Variants in RPGRIP1 observed in about 807,000 individuals in gnomAD.
RPGRIP1 encodes the protein X-linked retinitis pigmentosa GTPase regulator-interacting protein 1.
In RPGRIP1, 128 loss-of-function variants were observed where a neutral mutation model predicts 157.9. The ratio of observed to expected loss-of-function variants is 0.81; its 90% CI spans 0.70 to 0.94. The LOEUF is 0.94. Ranked by LOEUF, RPGRIP1 falls within the 40% of genes least tolerant of loss-of-function variation. The pLI is 0.00. For missense variants in RPGRIP1, 1,486 were observed against 1,545.8 expected (o/e 0.96, Z 0.65); for synonymous variants, 554 against 571.6 (o/e 0.97, Z 0.44).
chr14:21,300,769 G>C (rs1594172859), intron 3 of RPGRIP1, among the ~76,000 whole-genome samples, 197 bp from the exon 4 acceptor site: 1 of 112,678 alleles, frequency 8.9e-6, no homozygotes, highest in African/African-American at 3.4e-5. Flanking sequence ...ATAAAATAAA[G>C]ACAGGTATCA....
intron 10 of RPGRIP1, among the ~76,000 whole-genome samples, chr14:21,314,942 T>G (rs1022203546): frequency 6.7e-6 from 1 of 149,654 alleles, no homozygotes; most frequent in Non-Finnish European, 1.5e-5. Context: ...GCGAATTGCT[T>G]GGACCCGGGA....
intron 2 of RPGRIP1, among the ~76,000 whole-genome samples, chr14:21,290,783 C>T (rs1308646923): frequency 2.7e-5 from 4 of 149,162 alleles, no homozygotes; most frequent in East Asian, 3.9e-4. Flanking sequence ...CGCGCCACTG[C>T]ACTCAAGCCT....
chr14:21,342,106 C>T (rs551123029), intron 21 of RPGRIP1, among the ~76,000 whole-genome samples: 2 of 151,678 alleles, frequency 1.3e-5, no homozygotes, highest in African/African-American at 4.8e-5. Flanking sequence ...CTGGTGGCCT[C>T]CTCAGTGGCA....
At chr14:21,338,704 A>G (rs1884663658) in intron 21 of RPGRIP1, among the ~76,000 whole-genome samples, 1 of 152,250 alleles carries the variant, frequency 6.6e-6, no homozygotes. Context: ...CCAACCTAAT[A>G]TGAATGAATA....
intron 6 of RPGRIP1, 26 bp from the exon 7 acceptor site, chr14:21,307,705 G>T: frequency 7.1e-7 from 1 of 1,398,838 alleles, no homozygotes; most frequent in South Asian, 1.2e-5. Flanking sequence ...TGTTCAGACA[G>T]AATAATTTAG....
chr14:21,320,745 G>A (rs10142110), intron 12 of RPGRIP1, among the ~76,000 whole-genome samples: 3,952 of 151,666 alleles, frequency 0.026, 170 homozygotes, highest in African/African-American at 0.091. Flanking sequence ...GATTACAGGT[G>A]CTTGCCACCA....
At position 21,307,763 on chromosome 14, in the gene RPGRIP1, G is replaced by A. The variant is rs766267049; in HGVS notation, c.833G>A (p.Arg278Gln). 3.2e-6 allele frequency: 5 copies of A among 1,567,424 alleles called. No individual in the cohort carries two copies. The highest frequency in any genetic ancestry group is 4.3e-6 in the Non-Finnish European group (5 of 1,155,564). The change falls in exon 7 of 25, where the codon CGA becomes CAA. Residue 278 changes from arginine (R) to glutamine (Q), a missense_variant. Transcript: ENST00000400017. ...ATTAAAGAGAAGGTAGAGCTGATTCGACTTAAGAAGCTCTTACATGAAAGA... is the reference window on the plus strand; with the variant it reads ...ATTAAAGAGAAGGTAGAGCTGATTCAACTTAAGAAGCTCTTACATGAAAGA... ...ASIKEKVELI[R>Q]LKKLLHERNA...
chr14:21,321,220 T>C, intron 12 of RPGRIP1, 39 bp from the exon 13 acceptor site: 1 of 1,583,160 alleles, frequency 6.3e-7, no homozygotes, highest in Admixed American at 1.9e-5. Flanking sequence ...TTACCTGTCA[T>C]ATTTATACTC....
In RPGRIP1 at chr14:21,310,626, GTC is replaced by G. The variant is rs746182338; in HGVS notation, c.930+23_930+24del. On this transcript the variant is annotated intron_variant, in intron 8 of 24. Transcript: ENST00000400017. ...CCAGAAGGTACTTAATGAGAATTGA[GTC>G]TCTGTTTCTTAGTAACCAGAATAAT... 2.8e-6 allele frequency: 4 copies of G among 1,435,968 alleles called. 1 individual carries two copies. The highest frequency in any genetic ancestry group is 3.8e-6 in the Non-Finnish European group (4 of 1,052,616). 89.0% of individuals were successfully genotyped at this position (1,435,968 alleles called of 1,614,324 possible). A position where few individuals can be genotyped will look rare whatever the true frequency, so the allele number is the denominator to read the frequency against.
At position 21,351,169 on chromosome 14, in the gene RPGRIP1, G is replaced by A. The variant is rs778860397; in HGVS notation, c.3814G>A (p.Val1272Ile). The change falls in exon 25 of 25, where the codon GTC (valine) becomes ATC (isoleucine). Residue 1272 changes from valine (V) to isoleucine (I), a missense_variant. Val to Ile is a conservative substitution (Grantham distance 29). Transcript: ENST00000400017. ...GAAGGTTTCCCTTCAAGCAGCTGCTGTCCTCCATGCTATTTACAAGGAGAT... is the reference window on the plus strand; with the variant it reads ...GAAGGTTTCCCTTCAAGCAGCTGCTATCCTCCATGCTATTTACAAGGAGAT... ...RLKVSLQAAA[V>I]LHAIYKEMTE... 4 of 1,612,484 alleles carry A rather than the reference G, an allele frequency of 2.5e-6. No individual in the cohort carries two copies. Among genetic ancestry groups the A allele is most frequent in the Non-Finnish European group, 3.4e-6 (4 of 1,179,234 alleles).
chr14:21,347,976 C>T (rs891757173), intron 23 of RPGRIP1, among the ~76,000 whole-genome samples, 196 bp from the exon 24 acceptor site: 2 of 152,146 alleles, frequency 1.3e-5, no homozygotes, highest in African/African-American at 2.4e-5. Flanking sequence ...ATGATGTTCC[C>T]TCTTCTAAAA....
At chr14:21,282,518 G>T (rs1880167835) in intron 1 of RPGRIP1, among the ~76,000 whole-genome samples, 1 of 152,038 alleles carries the variant, frequency 6.6e-6, no homozygotes, top group South Asian at 2.1e-4. Context: ...TTACAGGCGT[G>T]AGCCACCACG....
chr14:21,308,264 A>G (rs1276744445), intron 7 of RPGRIP1, among the ~76,000 whole-genome samples: 2 of 152,216 alleles, frequency 1.3e-5, no homozygotes, highest in African/African-American at 4.8e-5. Context: ...TAAGCCTGAC[A>G]ACAGCCCTCA....
intron 21 of RPGRIP1, among the ~76,000 whole-genome samples, chr14:21,341,713 A>T (rs1176605571): frequency 2.0e-5 from 3 of 152,224 alleles, no homozygotes; most frequent in African/African-American, 7.2e-5. Flanking sequence ...AGGGACAATT[A>T]AAAGAAAGGA....
At chr14:21,304,562 A>T (rs1881215061) in intron 6 of RPGRIP1, among the ~76,000 whole-genome samples, 1 of 152,118 alleles carries the variant, frequency 6.6e-6, no homozygotes, top group Non-Finnish European at 1.5e-5. Context: ...TCTGTGCATA[A>T]ATTCCTGGAA....
intron 7 of RPGRIP1, among the ~76,000 whole-genome samples, chr14:21,309,457 T>C (rs1594181801): frequency 6.6e-6 from 1 of 151,956 alleles, no homozygotes; most frequent in Non-Finnish European, 1.5e-5. Flanking sequence ...GAGGCAGAGG[T>C]TGCAGTGAGC....
At chr14:21,337,480 C>T (rs971149782) in intron 21 of RPGRIP1, among the ~76,000 whole-genome samples, 1 of 143,402 alleles carries the variant, frequency 7.0e-6, no homozygotes, top group African/African-American at 2.7e-5. Context: ...TTCTGTTGCC[C>T]AGGCTGGAGT....
intron 1 of RPGRIP1, among the ~76,000 whole-genome samples, chr14:21,280,535 C>G (rs1272824049): frequency 1.3e-5 from 2 of 152,148 alleles, no homozygotes; most frequent in African/African-American, 4.8e-5. Flanking sequence ...CATGAGCCAC[C>G]GCGCCTGGCC....
intron 11 of RPGRIP1, 70 bp from the exon 12 acceptor site, chr14:21,319,947 A>C (rs1882215314): frequency 7.1e-7 from 1 of 1,401,416 alleles, no homozygotes; most frequent in South Asian, 1.3e-5. Flanking sequence ...TTAAATTCAC[A>C]CTTGATCCAA....
Sources: gnomAD v4.1 joint callset for allele counts (sites outside exome capture counted in the v4.1 genomes callset) on GRCh38, gnomAD v4.1.1 for gene constraint, MANE v1.5 for transcripts, NCBI Gene and HGNC (gene_info 2026-07-23, HGNC 2026-07-21) for gene names.